TUSC3: variants seen among roughly 807,000 people sequenced by gnomAD.
TUSC3 encodes tumor suppressor candidate 3.
A neutral mutation model predicts 44.8 loss-of-function variants in TUSC3; 45 were observed. That is an observed-to-expected ratio of 1.00 (90% CI 0.79 to 1.29). The LOEUF is 1.29. Ranked by LOEUF, TUSC3 falls within the 50% of genes most tolerant of loss-of-function variation. The probability of loss-of-function intolerance (pLI) is 0.00; values close to 1 mark genes in which losing one functional copy is unlikely to be tolerated. For missense variants in TUSC3, 519 were observed against 437.9 expected (o/e 1.19, Z -1.65); for synonymous variants, 212 against 152.9 (o/e 1.39, Z -2.85).
chr8:15,730,068 G>C (rs1585276086), intron 6 of TUSC3, among the ~76,000 whole-genome samples: 2 of 152,042 alleles, frequency 1.3e-5, no homozygotes, highest in Admixed American at 1.3e-4. Flanking sequence ...ATTATCAGCA[G>C]AAATAATCAT....
the TUSC3 span, among the ~76,000 whole-genome samples, chr8:15,842,174 A>G: frequency 6.6e-6 from 1 of 152,154 alleles, no homozygotes; most frequent in African/African-American, 2.4e-5. Context: ...AATGAACAAA[A>G]CAGATAGAAT....
chr8:15,692,357 A>ACAC (rs1808939608), intron 6 of TUSC3, among the ~76,000 whole-genome samples: 1 of 88,134 alleles, frequency 1.1e-5, no homozygotes, highest in South Asian at 7.1e-4. Context: ...TTGGGAGGAG[A>ACAC]CCCCCCCCCC....
Position 15,757,849 on chromosome 8 carries a change from A to C in TUSC3, c.*40A>C. Reference sequence around the variant, plus strand: ...GACCATGGCACTTAAAAACTCTATAACCTCAGGCAAGTCTTTTAATCTTCT... The same window carrying C: ...GACCATGGCACTTAAAAACTCTATACCCTCAGGCAAGTCTTTTAATCTTCT... On this transcript the variant is annotated 3_prime_UTR_variant, in exon 10 of 11. Transcript: ENST00000503731. The C allele has an allele frequency of 1.5e-6, 2 of 1,373,812 alleles. No homozygotes were observed. The highest frequency in any genetic ancestry group is 2.1e-6 in the Non-Finnish European group (2 of 961,144). The allele number at this position is 1,373,812 out of a possible 1,614,324, so 85.1% of individuals were successfully genotyped here.
At chr8:15,616,341 G>A (rs924179993) in intron 1 of TUSC3, among the ~76,000 whole-genome samples, 3 of 152,096 alleles carry the variant, frequency 2.0e-5, no homozygotes, top group Non-Finnish European at 4.4e-5. Flanking sequence ...ACTTTGGGAG[G>A]CCATGGCGGG....
intron 2 of TUSC3, among the ~76,000 whole-genome samples, chr8:15,626,591 C>T (rs1177765977): frequency 6.6e-6 from 1 of 152,222 alleles, no homozygotes; most frequent in Non-Finnish European, 1.5e-5. Flanking sequence ...TCAGGCATCT[C>T]TCTGCACTCT....
chr8:15,839,002 C>G, the TUSC3 span, among the ~76,000 whole-genome samples: 1 of 152,106 alleles, frequency 6.6e-6, no homozygotes, highest in Admixed American at 6.6e-5. Context: ...ATGGAATGTT[C>G]TTCCACTTGT....
At chr8:15,717,305 G>C (rs1341907853) in intron 6 of TUSC3, among the ~76,000 whole-genome samples, 2 of 152,040 alleles carry the variant, frequency 1.3e-5, no homozygotes, top group Non-Finnish European at 2.9e-5. Context: ...ATCATTTTTT[G>C]AGATGAATCA....
intron 2 of TUSC3, among the ~76,000 whole-genome samples, chr8:15,625,255 T>TGAA (rs1805447615): frequency 6.6e-6 from 1 of 152,214 alleles, no homozygotes; most frequent in African/African-American, 2.4e-5. Context: ...AATTTTTTTT[T>TGAA]GAAGAAGTTT....
At chr8:15,457,841 TTAATTATCTAA>T (rs71211043) in intron 1 of TUSC3, among the ~76,000 whole-genome samples, 70,931 of 146,042 alleles carry the variant, frequency 0.49, 17,711 homozygotes, top group Non-Finnish European at 0.56. Flanking sequence ...ATAAATTAGA[TTAATTATCTAA>T]TAATTATCTA....
At chr8:15,812,658 A>C in the TUSC3 span, among the ~76,000 whole-genome samples, 1 of 152,224 alleles carries the variant, frequency 6.6e-6, no homozygotes, top group African/African-American at 2.4e-5. Context: ...GGGTGTCTGG[A>C]AAACTCCCTA....
chr8:15,625,894 A>G (rs766770889), intron 2 of TUSC3, among the ~76,000 whole-genome samples: 7 of 152,228 alleles, frequency 4.6e-5, no homozygotes, highest in Non-Finnish European at 1.0e-4. Context: ...ATTACTATCA[A>G]ATTTGAGGAC....
the TUSC3 span, among the ~76,000 whole-genome samples, chr8:15,851,820 T>C: frequency 3.3e-5 from 5 of 152,188 alleles, no homozygotes; most frequent in Non-Finnish European, 7.3e-5. Context: ...TCATTTTGTA[T>C]TGTAGCTCCC....
intron 9 of TUSC3, among the ~76,000 whole-genome samples, chr8:15,756,391 G>C (rs1811929589): frequency 1.3e-5 from 2 of 152,098 alleles, no homozygotes; most frequent in Non-Finnish European, 2.9e-5. Context: ...CTGAAATGTA[G>C]TAGGTTCTCA....
chr8:15,769,245 C>A (rs575559932), downstream of TUSC3, among the ~76,000 whole-genome samples: 1 of 151,934 alleles, frequency 6.6e-6, no homozygotes, highest in African/African-American at 2.4e-5. Flanking sequence ...ACCAATGGAA[C>A]GGAACAGAAC....
At chr8:15,479,802 C>T (rs1276795082) in intron 1 of TUSC3, among the ~76,000 whole-genome samples, 2 of 151,986 alleles carry the variant, frequency 1.3e-5, no homozygotes, top group Non-Finnish European at 2.9e-5. Flanking sequence ...TCTGGCCAGG[C>T]CTATCATGCA....
chr8:15,549,394 A>C (rs1037593169), intron 1 of TUSC3, among the ~76,000 whole-genome samples: 7 of 151,430 alleles, frequency 4.6e-5, no homozygotes, highest in African/African-American at 1.7e-4. Flanking sequence ...GGCTGGTCTC[A>C]AACTCCTGAC....
At chr8:15,619,497 T>C (rs79788704) in intron 1 of TUSC3, among the ~76,000 whole-genome samples, 48 of 150,072 alleles carry the variant, frequency 3.2e-4, no homozygotes, top group Middle Eastern at 3.5e-3. Flanking sequence ...TTCCATATAT[T>C]TTTTTTTTTT....
the TUSC3 span, among the ~76,000 whole-genome samples, chr8:15,821,122 T>G: frequency 3.3e-5 from 5 of 152,160 alleles, no homozygotes; most frequent in Non-Finnish European, 5.9e-5. Flanking sequence ...TAAAATAACT[T>G]TATTTTGCCT....
intron 2 of TUSC3, among the ~76,000 whole-genome samples, chr8:15,533,449 T>C (rs1029652967): frequency 2.0e-5 from 3 of 152,320 alleles, no homozygotes; most frequent in African/African-American, 2.4e-5. Context: ...GTCTAATACC[T>C]GTGAAGATAG....
Sources: gnomAD v4.1 joint callset for allele counts (sites outside exome capture counted in the v4.1 genomes callset) on GRCh38, gnomAD v4.1.1 for gene constraint, MANE v1.5 for transcripts, NCBI Gene and HGNC (gene_info 2026-07-23, HGNC 2026-07-21) for gene names.